KDM6A: variants seen among roughly 807,000 people sequenced by gnomAD.
KDM6A encodes lysine-specific demethylase 6A.
A neutral mutation model predicts 117.6 loss-of-function variants in KDM6A; 11 were observed. That is an observed-to-expected ratio of 0.09 (90% CI 0.06 to 0.15). The LOEUF is 0.15. Among genes scored for constraint, KDM6A ranks in the 10% least tolerant of loss-of-function variants. The probability of loss-of-function intolerance (pLI) is 1.00; values close to 1 mark genes in which losing one functional copy is unlikely to be tolerated. For synonymous variants in KDM6A, 384 were observed against 396.1 expected, an observed-to-expected ratio of 0.97 and a Z score of 0.36; for missense variants, 799 against 1,077.3, an observed-to-expected ratio of 0.74 and a Z score of 3.62.
At chrX:44,960,427 A>G (rs188702188) in intron 2 of KDM6A, among the ~76,000 whole-genome samples, 9 of 111,666 alleles carry the variant, frequency 8.1e-5, no homozygotes, top group Admixed American at 7.6e-4. Context: ...TTAAGTACCT[A>G]TTGTGTCCTG....
intron 17 of KDM6A, among the ~76,000 whole-genome samples, chrX:45,067,633 C>A (rs1420322007): frequency 9.5e-6 from 1 of 105,493 alleles, no homozygotes; most frequent in Admixed American, 1.0e-4. Flanking sequence ...TACACACTCA[C>A]TGGTGTGTAT....
chrX:45,049,967 T>C (rs1263147552), intron 8 of KDM6A, among the ~76,000 whole-genome samples: 1 of 113,057 alleles, frequency 8.8e-6, no homozygotes, highest in Non-Finnish European at 1.9e-5. Flanking sequence ...ATCCTTGGCC[T>C]AACTATCTAA....
Position 45,073,562 on chromosome X carries a change from A to C in KDM6A, c.2859-3135A>C, listed in dbSNP as rs1269685442. On this transcript the variant is annotated intron_variant, in intron 18 of 29. Transcript: ENST00000611820. ...GTTTCCTGACTTTTTAATGATTGCC[A>C]TTCTAACTGGTGTGAGATGGTTATC... Among the ~76,000 whole-genome samples the C allele has an allele frequency of 3.6e-5, 4 of 111,717 alleles. No homozygotes were observed. In the Admixed American group the frequency reaches 3.8e-4, roughly 11 times the overall value.
At position 44,911,896 on chromosome X, in the gene KDM6A, G is replaced by A. The variant is rs375050910; in HGVS notation, c.225+37909G>A. On this transcript the variant is annotated intron_variant, in intron 2 of 29. Coordinates refer to ENST00000611820, the MANE Select transcript of KDM6A (RefSeq NM_001291415.2). ...ATGAAAACCAGTCAGGCGTGGCGGC[G>A]CGCGCCTGCAATCGCAGGCGCTTGG... Among the ~76,000 whole-genome samples, 21 of 110,133 alleles carry A rather than the reference G, an allele frequency of 1.9e-4. No homozygotes were observed. In the East Asian group the frequency reaches 2.0e-3, roughly 11 times the overall value.
At chrX:45,095,098 T>C (rs905113777) in intron 27 of KDM6A, among the ~76,000 whole-genome samples, 3 of 111,598 alleles carry the variant, frequency 2.7e-5, no homozygotes, top group Non-Finnish European at 5.6e-5. Flanking sequence ...CTTTTAAGTC[T>C]GGATACTTAG....
rs2044455979 is a variant in KDM6A, at chrX:45,064,704, C to T, written c.2079+887C>T. 5.4e-5 allele frequency among the ~76,000 whole-genome samples: 6 copies of T among 111,755 alleles called. No homozygotes were observed. The South Asian group carries it at 2.2e-3, about 41-fold the overall frequency. On this transcript the variant is annotated intron_variant, in intron 17 of 29. Transcript: ENST00000611820. ...AATTGCTTGTACTTTTATTAATTTA[C>T]TATGAGAAATATTTGACTTAAAAAG...
At chrX:44,960,755 A>G (rs1208811902) in intron 2 of KDM6A, among the ~76,000 whole-genome samples, 1 of 111,854 alleles carries the variant, frequency 8.9e-6, no homozygotes, top group Non-Finnish European at 1.9e-5. Context: ...GAAGTATATC[A>G]TGTGGAGAAG....
chrX:45,095,523 A>T (rs1198730433), intron 27 of KDM6A, among the ~76,000 whole-genome samples: 1 of 111,362 alleles, frequency 9.0e-6, no homozygotes, highest in Non-Finnish European at 1.9e-5. Flanking sequence ...ATAGAGAAGG[A>T]GGTCTTTTTC....
At chrX:45,040,507 C>A (rs1478170483) in intron 8 of KDM6A, among the ~76,000 whole-genome samples, 9 of 77,019 alleles carry the variant, frequency 1.2e-4, no homozygotes, top group Non-Finnish European at 1.6e-4. Flanking sequence ...CTGACCCCCC[C>A]ACCTCCCTCC....
intron 2 of KDM6A, among the ~76,000 whole-genome samples, chrX:44,899,285 A>G (rs1364614343): frequency 1.2e-5 from 1 of 86,258 alleles, no homozygotes; most frequent in African/African-American, 4.6e-5. Context: ...TATTTAGCTC[A>G]AGTAAGATGG....
At chrX:45,000,665 C>T (rs905220393) in intron 4 of KDM6A, among the ~76,000 whole-genome samples, 2 of 112,815 alleles carry the variant, frequency 1.8e-5, no homozygotes, top group South Asian at 3.6e-4. Context: ...TCTTCCCTGT[C>T]GTGAGAGACA....
intron 2 of KDM6A, among the ~76,000 whole-genome samples, chrX:44,889,887 G>T (rs1344157517): frequency 8.9e-6 from 1 of 112,156 alleles, no homozygotes; most frequent in East Asian, 2.8e-4. Flanking sequence ...AGATTTATAT[G>T]CATTTTTAAG....
At chrX:45,067,633 C>G (rs1420322007) in intron 17 of KDM6A, among the ~76,000 whole-genome samples, 1 of 105,493 alleles carries the variant, frequency 9.5e-6, no homozygotes, top group Admixed American at 1.0e-4. Flanking sequence ...TACACACTCA[C>G]TGGTGTGTAT....
intron 4 of KDM6A, among the ~76,000 whole-genome samples, chrX:44,995,125 A>G (rs1259393810): frequency 2.7e-5 from 3 of 111,445 alleles, no homozygotes; most frequent in East Asian, 5.6e-4. Context: ...GGAAATTCCA[A>G]CATTTTACTA....
At chrX:44,932,419 A>G (rs1254235495) in intron 2 of KDM6A, among the ~76,000 whole-genome samples, 2 of 110,607 alleles carry the variant, frequency 1.8e-5, no homozygotes, top group East Asian at 5.7e-4. Flanking sequence ...CCATCTACGT[A>G]GCCTTTTGCT....
At chrX:45,097,393 A>G (rs1180829248) in intron 27 of KDM6A, among the ~76,000 whole-genome samples, 1 of 111,611 alleles carries the variant, frequency 9.0e-6, no homozygotes, top group East Asian at 2.8e-4. Context: ...AAGGTAATTG[A>G]GTACATTTAT....
rs140827451 is a variant in KDM6A at position 44,880,300 on chromosome X, G to A, written c.225+6313G>A. Among the ~76,000 whole-genome samples, 56 of 110,491 alleles carry A rather than the reference G, an allele frequency of 5.1e-4. No individual in the cohort carries two copies. The East Asian group carries it at 0.016, about 31-fold the overall frequency. ...ACCTTGTTATGAGTTCTTAACTTGA[G>A]ATTCTTAAATGAGTGTTCATGGGTC... On this transcript the variant is annotated intron_variant, in intron 2 of 29. Transcript: ENST00000611820.
intron 20 of KDM6A, 40 bp from the exon 21 acceptor site, chrX:45,079,106 A>G (rs1381485465): frequency 9.5e-7 from 1 of 1,055,392 alleles, no homozygotes; most frequent in South Asian, 2.0e-5. Context: ...TATCCCAAAT[A>G]TAATTTTCAT....
rs752322927 is a variant in KDM6A, at chrX:45,061,268, A to T, written c.1486-56A>T. On this transcript the variant is annotated intron_variant, in intron 14 of 29. Transcript: ENST00000611820. ...TTGGCCTCCTCTAACCATTATTATT[A>T]ACTGTGGATTTAACCAAATATTCTT... 50 of 671,842 alleles carry T rather than the reference A, an allele frequency of 7.4e-5. 1 individual carries two copies. In the African/African-American group the frequency reaches 1.1e-3, roughly 14 times the overall value. 55.4% of individuals were successfully genotyped at this position (671,842 alleles called of 1,213,427 possible).
Sources: allele counts gnomAD v4.1 joint callset (sites outside exome capture counted in the v4.1 genomes callset), GRCh38; gene constraint gnomAD v4.1.1; transcripts MANE v1.5; gene names NCBI Gene and HGNC (gene_info 2026-07-23, HGNC 2026-07-21).